Variants in C12orf42 observed in about 807,000 individuals in gnomAD.
The protein encoded by C12orf42 is chromosome 12 open reading frame 42, also known as uncharacterized protein C12orf42.
A neutral mutation model predicts 21.6 loss-of-function variants in C12orf42; 25 were observed. The observed-to-expected ratio is 1.16, with a 90% CI of 0.84 to 1.62. The LOEUF (loss-of-function observed/expected upper bound fraction) is 1.62, where lower values mean the gene tolerates loss of function less well. C12orf42 is among the 40% of genes most tolerant of loss of function. The pLI, the probability that C12orf42 is intolerant of heterozygous loss-of-function variation, is 0.00. For synonymous variants in C12orf42, 174 were observed against 175.0 expected (o/e 0.99, Z 0.05); for missense variants, 483 against 459.3 (o/e 1.05, Z -0.47).
chr12:103,136,914 CA>C, the C12orf42 span, among the ~76,000 whole-genome samples: 1 of 152,000 alleles, frequency 6.6e-6, no homozygotes, highest in African/African-American at 2.4e-5. Flanking sequence ...TTGTAAGACC[CA>C]AAACTATAAA....
the C12orf42 span, among the ~76,000 whole-genome samples, chr12:103,521,890 A>T: frequency 6.6e-6 from 1 of 152,104 alleles, no homozygotes; most frequent in South Asian, 2.1e-4. Flanking sequence ...TAAACTCTAA[A>T]ATTTAAATGT....
chr12:103,303,737 T>A (rs76318650), intron 5 of C12orf42, among the ~76,000 whole-genome samples: 5,246 of 152,228 alleles, frequency 0.034, 289 homozygotes, highest in African/African-American at 0.12. Flanking sequence ...ACAGTGAAAA[T>A]TTTTTTGTGA....
the C12orf42 span, among the ~76,000 whole-genome samples, chr12:103,217,286 G>A: frequency 6.6e-6 from 1 of 152,046 alleles, no homozygotes; most frequent in East Asian, 1.9e-4. Context: ...TTGGGAGGCC[G>A]AGGCGAGAGA....
chr12:103,061,090 C>G, the C12orf42 span, among the ~76,000 whole-genome samples: 1 of 152,134 alleles, frequency 6.6e-6, no homozygotes, highest in Admixed American at 6.6e-5. Flanking sequence ...GGGGATGCTT[C>G]TGGTTCCTCT....
rs541563388 is a variant in C12orf42 at position 103,435,607 on chromosome 12, A to G, written c.79-33932T>C. 2.0e-5 allele frequency among the ~76,000 whole-genome samples: 3 copies of G among 152,288 alleles called. No individual in the cohort carries two copies. The East Asian group carries it at 5.8e-4, about 29-fold the overall frequency. Reference sequence around the variant, plus strand: ...GCTCGAGAACTACATGAAGAATGCAAAAGCCTCAGGAGCCGATGCGATCAA... The same window carrying G: ...GCTCGAGAACTACATGAAGAATGCAGAAGCCTCAGGAGCCGATGCGATCAA... On this transcript the variant is annotated intron_variant, in intron 2 of 5. Coordinates refer to ENST00000548883, the MANE Select transcript of C12orf42 (RefSeq NM_198521.5).
chr12:103,166,667 T>G, the C12orf42 span, among the ~76,000 whole-genome samples: 2 of 152,230 alleles, frequency 1.3e-5, no homozygotes, highest in African/African-American at 4.8e-5. Flanking sequence ...TTAAAATTCT[T>G]GCCTGAAATG....
chr12:103,110,447 G>A, the C12orf42 span, among the ~76,000 whole-genome samples: 26,107 of 152,162 alleles, frequency 0.17, 2,580 homozygotes, highest in Admixed American at 0.23. Context: ...CTCTGGGAAT[G>A]AAGAAAGAGT....
chr12:103,233,620 C>T (rs536442269), downstream of C12orf42, among the ~76,000 whole-genome samples: 12 of 152,236 alleles, frequency 7.9e-5, no homozygotes, highest in Admixed American at 2.0e-4. Context: ...CCAAATTTCA[C>T]TTATTCATTG....
upstream of C12orf42, among the ~76,000 whole-genome samples, chr12:103,500,706 T>C (rs1237566873): frequency 6.6e-6 from 1 of 152,238 alleles, no homozygotes; most frequent in Admixed American, 6.5e-5. Context: ...TTAGCACAAT[T>C]GCCGCCAATA....
chr12:103,208,390 T>G, the C12orf42 span, among the ~76,000 whole-genome samples: 1 of 152,296 alleles, frequency 6.6e-6, no homozygotes, highest in African/African-American at 2.4e-5. Flanking sequence ...CAGGTTGCTT[T>G]CTTTGGTGTG....
the C12orf42 span, among the ~76,000 whole-genome samples, chr12:103,214,442 A>T: frequency 6.0e-4 from 92 of 152,176 alleles, no homozygotes; most frequent in Non-Finnish European, 9.4e-4. Flanking sequence ...TGACAAATGC[A>T]GTTTCTACTG....
chr12:103,210,885 C>A, the C12orf42 span, among the ~76,000 whole-genome samples: 1 of 151,636 alleles, frequency 6.6e-6, no homozygotes, highest in African/African-American at 2.4e-5. Flanking sequence ...CAGGTACTTG[C>A]GAGGATGAAG....
In C12orf42 at chr12:103,302,405, T is replaced by G; in HGVS notation, c.786A>C (p.Gln262His). The G allele has an allele frequency of 6.2e-7, 1 of 1,613,790 alleles. No individual in the cohort carries two copies. ...TTCCGGACGCGCCCAGGAGTCTGCT[T>G]TGGATGTCGTCGGGGTGTGCCTGAG... Reference protein sequence around the residue: ...AGAQAHPDDIQSRLLGASGNP... With the variant: ...AGAQAHPDDIHSRLLGASGNP... Residue 262 changes from glutamine (Q) to histidine (H), a missense_variant, in exon 6 of 6, where the codon CAA becomes CAC. Transcript: ENST00000548883.
At chr12:103,391,610 G>A (rs891686052) in intron 3 of C12orf42, among the ~76,000 whole-genome samples, 5 of 151,552 alleles carry the variant, frequency 3.3e-5, no homozygotes, top group Admixed American at 2.0e-4. Flanking sequence ...AATTGGGTTG[G>A]TCTTTTGTTG....
chr12:103,172,183 C>A, the C12orf42 span, among the ~76,000 whole-genome samples: 1 of 152,016 alleles, frequency 6.6e-6, no homozygotes, highest in Non-Finnish European at 1.5e-5. Flanking sequence ...AGGTCTCCTG[C>A]TTTCATAAAT....
chr12:103,127,946 A>G, the C12orf42 span, among the ~76,000 whole-genome samples: 1 of 152,240 alleles, frequency 6.6e-6, no homozygotes, highest in Non-Finnish European at 1.5e-5. Context: ...ATACCTAAAT[A>G]GGAAAGATTG....
chr12:103,557,185 C>A, the C12orf42 span, among the ~76,000 whole-genome samples: 1 of 152,106 alleles, frequency 6.6e-6, no homozygotes, highest in East Asian at 1.9e-4. Flanking sequence ...CAGAACCATG[C>A]AAGGAGAAAA....
chr12:103,366,861 A>G (rs1052293943), intron 4 of C12orf42, among the ~76,000 whole-genome samples: 1 of 152,124 alleles, frequency 6.6e-6, no homozygotes, highest in African/African-American at 2.4e-5. Context: ...GGGAAAGTAA[A>G]CTAGTGCAAC....
chr12:103,061,035 G>C, the C12orf42 span, among the ~76,000 whole-genome samples: 1 of 152,106 alleles, frequency 6.6e-6, no homozygotes, highest in Non-Finnish European at 1.5e-5. Flanking sequence ...CTGATGGGTG[G>C]AATAGCAGTC....
Sources: allele counts gnomAD v4.1 joint callset (sites outside exome capture counted in the v4.1 genomes callset), GRCh38; gene constraint gnomAD v4.1.1; transcripts MANE v1.5; gene names NCBI Gene and HGNC (gene_info 2026-07-23, HGNC 2026-07-21).